The following MGMT variants were observed in gnomAD, a reference collection of about 807,000 sequenced individuals.
The protein encoded by MGMT is O-6-methylguanine-DNA methyltransferase.
A neutral mutation model predicts 15.9 loss-of-function variants in MGMT; 14 were observed. The ratio of observed to expected loss-of-function variants is 0.88; its 90% CI spans 0.58 to 1.37. MGMT has a LOEUF of 1.37. Among genes scored for constraint, MGMT ranks in the 40% most tolerant of loss-of-function variants. The probability of loss-of-function intolerance (pLI) is 0.00; values close to 1 mark genes in which losing one functional copy is unlikely to be tolerated. For synonymous variants in MGMT, 130 were observed against 118.2 expected, an observed-to-expected ratio of 1.10 and a Z score of -0.65; for missense variants, 282 against 268.1, an observed-to-expected ratio of 1.05 and a Z score of -0.36.
In MGMT at chr10:129,659,490, T is replaced by C. The variant is rs187914816; in HGVS notation, c.126-48405T>C. Among the ~76,000 whole-genome samples the C allele has an allele frequency of 5.9e-5, 9 of 152,320 alleles. No homozygotes were observed. Among genetic ancestry groups the C allele is most frequent in the Admixed American group, 3.9e-4 (6 of 15,298 alleles). The stretch of plus-strand genomic sequence containing the variant: ...GGAGTTAGCTTCATGGCAAGCTCTC[T>C]GGAGAACACAGGCCATTGTACCTGC... On this transcript the variant is annotated intron_variant, in intron 2 of 4. Coordinates refer to ENST00000651593, the MANE Select transcript of MGMT (RefSeq NM_002412.5). This position sits in a 1 kb window ranked among gnomAD's most constrained non-coding sequence, Gnocchi z 4.1.
chr10:129,763,560 A>G (rs1848899340), intron 4 of MGMT, among the ~76,000 whole-genome samples: 1 of 152,180 alleles, frequency 6.6e-6, no homozygotes, highest in Admixed American at 6.5e-5. Flanking sequence ...ACTCATTTTT[A>G]TAATTTCATA....
At chr10:129,621,952 A>G (rs1472982677) in intron 2 of MGMT, among the ~76,000 whole-genome samples, 1 of 152,234 alleles carries the variant, frequency 6.6e-6, no homozygotes, top group Non-Finnish European at 1.5e-5. Context: ...ATGACTATTT[A>G]TGAGTCATTT....
chr10:129,765,579 T>C (rs1010059767), intron 4 of MGMT, among the ~76,000 whole-genome samples: 1 of 152,198 alleles, frequency 6.6e-6, no homozygotes, highest in Admixed American at 6.5e-5. Context: ...GGGGGGCCAG[T>C]GGCATGGCCA....
chr10:129,582,336 A>G (rs537658356), intron 2 of MGMT, among the ~76,000 whole-genome samples: 24 of 152,182 alleles, frequency 1.6e-4, no homozygotes, highest in Non-Finnish European at 3.2e-4. Flanking sequence ...TAGTTCAGAG[A>G]GTCCCTCCTC....
rs1847574959 is a variant in MGMT, at chr10:129,659,787, C to CTAAATTGAACCAAAGTCCTCCT, written c.126-48103_126-48082dup. ...CTGACACGAAAACAGAAGTAAAAGTCTAAATTGAACCAAAGTCCTCCTTAA... is the reference window on the plus strand; with the variant it reads ...CTGACACGAAAACAGAAGTAAAAGTCTAAATTGAACCAAAGTCCTCCTTAAATTGAACCAAAGTCCTCCTTAA... On this transcript the variant is annotated intron_variant, in intron 2 of 4. Coordinates refer to ENST00000651593, the MANE Select transcript of MGMT (RefSeq NM_002412.5). The surrounding 1 kb of genome is among the most constrained non-coding windows in gnomAD (Gnocchi z 4.1). 6.6e-6 allele frequency among the ~76,000 whole-genome samples: 1 copy of CTAAATTGAACCAAAGTCCTCCT among 152,142 alleles called. No individual in the cohort carries two copies. The highest frequency in any genetic ancestry group is 1.5e-5 in the Non-Finnish European group (1 of 68,024).
At chr10:129,730,064 A>AG (rs141035114) in intron 3 of MGMT, among the ~76,000 whole-genome samples, 245 of 152,342 alleles carry the variant, frequency 1.6e-3, no homozygotes, top group African/African-American at 5.3e-3. Context: ...TGGTAAAGCC[A>AG]GCACGACTTC....
At chr10:129,586,844 A>G (rs1846624019) in intron 2 of MGMT, among the ~76,000 whole-genome samples, 1 of 152,200 alleles carries the variant, frequency 6.6e-6, no homozygotes, top group Admixed American at 6.5e-5. Flanking sequence ...TTTTATGAAC[A>G]GTGGGTGGGA....
chr10:129,605,225 G>T (rs1846874845), intron 2 of MGMT, among the ~76,000 whole-genome samples: 3 of 152,138 alleles, frequency 2.0e-5, no homozygotes, highest in Admixed American at 2.0e-4. Flanking sequence ...CTGCACATTT[G>T]ATTATTTTAT....
intron 1 of MGMT, among the ~76,000 whole-genome samples, chr10:129,508,104 C>G (rs1156689873): frequency 1.3e-5 from 2 of 152,116 alleles, no homozygotes; most frequent in Non-Finnish European, 1.5e-5. Flanking sequence ...TTAGGGACCT[C>G]TGGTACAGCC....
intron 1 of MGMT, among the ~76,000 whole-genome samples, chr10:129,527,956 C>T (rs1387564889): frequency 6.6e-6 from 1 of 152,050 alleles, no homozygotes; most frequent in East Asian, 1.9e-4. Context: ...CTCCTCTCCA[C>T]CCAGAAAACT....
rs144715702 is a variant in MGMT, at chr10:129,741,770, G to A, written c.275-17432G>A. Reference sequence around the variant, plus strand: ...GTGGCCAGTGCCTGGGCCCTGAGTCGGTTGAGACTCATCCAGAGCAGAGCT... The same window carrying A: ...GTGGCCAGTGCCTGGGCCCTGAGTCAGTTGAGACTCATCCAGAGCAGAGCT... On this transcript the variant is annotated intron_variant, in intron 3 of 4. Coordinates refer to ENST00000651593, the MANE Select transcript of MGMT (RefSeq NM_002412.5). 3.7e-3 allele frequency among the ~76,000 whole-genome samples: 570 copies of A among 152,226 alleles called. 5 individuals are homozygous for A. The highest frequency in any genetic ancestry group is 0.013 in the African/African-American group (540 of 41,548).
intron 1 of MGMT, among the ~76,000 whole-genome samples, chr10:129,488,252 A>G (rs962772594): frequency 2.0e-5 from 3 of 152,262 alleles, no homozygotes; most frequent in African/African-American, 7.2e-5. Flanking sequence ...TGGAGTTATC[A>G]TGCTACTAAC....
intron 2 of MGMT, among the ~76,000 whole-genome samples, chr10:129,577,969 A>G (rs997993600): frequency 6.6e-6 from 1 of 152,256 alleles, no homozygotes; most frequent in Admixed American, 6.5e-5. Flanking sequence ...AATGCAACTC[A>G]AAACCACAAT....
At chr10:129,592,386 G>T (rs192554605) in intron 2 of MGMT, among the ~76,000 whole-genome samples, 18 of 152,362 alleles carry the variant, frequency 1.2e-4, no homozygotes, top group Admixed American at 7.8e-4. Flanking sequence ...GCATTAACTA[G>T]TGTGAATTTC....
chr10:129,615,083 GA>G (rs1317863102), intron 2 of MGMT, among the ~76,000 whole-genome samples: 1 of 152,152 alleles, frequency 6.6e-6, no homozygotes, highest in African/African-American at 2.4e-5. Context: ...AGAAAAGGGG[GA>G]AAATGGTTGT....
intron 2 of MGMT, among the ~76,000 whole-genome samples, chr10:129,672,028 A>T (rs932739041): frequency 6.6e-6 from 1 of 152,268 alleles, no homozygotes; most frequent in Non-Finnish European, 1.5e-5. Context: ...AGAAATGCAC[A>T]TCTACATGAA....
chr10:129,469,592 T>A (rs1010739484), intron 1 of MGMT, among the ~76,000 whole-genome samples: 1 of 152,142 alleles, frequency 6.6e-6, no homozygotes, highest in African/African-American at 2.4e-5. Flanking sequence ...TGCAGGGCCC[T>A]GTGCTCATTC....
At chr10:129,580,179 G>A (rs1027350067) in intron 2 of MGMT, among the ~76,000 whole-genome samples, 1 of 152,158 alleles carries the variant, frequency 6.6e-6, no homozygotes. Flanking sequence ...CCCCATTAAC[G>A]GGCAGGTGGC....
chr10:129,595,275 A>T (rs1846738131), intron 2 of MGMT, among the ~76,000 whole-genome samples: 4 of 152,168 alleles, frequency 2.6e-5, no homozygotes. Context: ...ATCAGTGGGC[A>T]TCTCGATGTT....
Sources: gnomAD v4.1 joint callset for allele counts (sites outside exome capture counted in the v4.1 genomes callset) on GRCh38, gnomAD v4.1.1 for gene constraint, Gnocchi (gnomAD v3.1) non-coding constraint, MANE v1.5 for transcripts, NCBI Gene and HGNC (gene_info 2026-07-23, HGNC 2026-07-21) for gene names.